RALGPS1: variants seen among roughly 807,000 people sequenced by gnomAD.
RALGPS1 encodes ras-specific guanine nucleotide-releasing factor RalGPS1.
Under a neutral mutation model 78.8 loss-of-function variants are expected in RALGPS1, and 19 were observed. That is an observed-to-expected ratio of 0.24 (90% CI 0.17 to 0.35). The LOEUF (loss-of-function observed/expected upper bound fraction) is 0.35, where lower values mean the gene tolerates loss of function less well. Among genes scored for constraint, RALGPS1 ranks in the 10% least tolerant of loss-of-function variants. The pLI is 1.00. For synonymous variants in RALGPS1, 228 were observed against 256.3 expected (o/e 0.89, Z 1.06); for missense variants, 454 against 688.3 (o/e 0.66, Z 3.81).
intron 1 of RALGPS1, among the ~76,000 whole-genome samples, chr9:126,960,769 C>A (rs1028850860): frequency 6.6e-6 from 1 of 151,634 alleles, no homozygotes; most frequent in African/African-American, 2.4e-5. Context: ...CGGCATTTCC[C>A]AAATCAAATT....
chr9:127,034,864 C>T (rs540302589), intron 5 of RALGPS1, among the ~76,000 whole-genome samples: 1 of 152,286 alleles, frequency 6.6e-6, no homozygotes, highest in East Asian at 1.9e-4. Flanking sequence ...CCTTCCTTCT[C>T]TTACTGATAT....
intron 1 of RALGPS1, among the ~76,000 whole-genome samples, chr9:126,946,788 T>G (rs1434805820): frequency 6.6e-6 from 1 of 152,092 alleles, no homozygotes; most frequent in East Asian, 1.9e-4. Context: ...ATGTTCCCTT[T>G]AAGCCCACCC....
intron 7 of RALGPS1, among the ~76,000 whole-genome samples, chr9:127,053,645 C>T (rs957180867): frequency 1.3e-5 from 2 of 152,150 alleles, no homozygotes; most frequent in Non-Finnish European, 2.9e-5. Context: ...TTATATCCCA[C>T]GGAACTGACA....
At chr9:127,079,253 C>T (rs1267927211) in intron 8 of RALGPS1, among the ~76,000 whole-genome samples, 2 of 152,190 alleles carry the variant, frequency 1.3e-5, no homozygotes, top group African/African-American at 2.4e-5. Context: ...TGGTCTTCTA[C>T]TGACGCATTC....
At chr9:126,960,206 T>TCCCC (rs2038759376) in intron 1 of RALGPS1, among the ~76,000 whole-genome samples, 1 of 52,754 alleles carries the variant, frequency 1.9e-5, no homozygotes, top group Non-Finnish European at 3.7e-5. Context: ...CTTCCCTCCC[T>TCCCC]CCCTCCCTCC....
At chr9:127,075,310 G>C (rs780594999) in intron 8 of RALGPS1, among the ~76,000 whole-genome samples, 24 of 152,240 alleles carry the variant, frequency 1.6e-4, no homozygotes, top group Non-Finnish European at 3.1e-4. Flanking sequence ...ATACAAGTCA[G>C]AGGGAGAGAA....
intron 8 of RALGPS1, among the ~76,000 whole-genome samples, chr9:127,148,113 A>G (rs946132962): frequency 1.3e-5 from 2 of 152,238 alleles, no homozygotes; most frequent in Admixed American, 6.5e-5. Flanking sequence ...TTGAGCACAC[A>G]TGTCTTAGAA....
At chr9:127,157,296 C>A (rs2058753897) in intron 8 of RALGPS1, among the ~76,000 whole-genome samples, 2 of 152,174 alleles carry the variant, frequency 1.3e-5, no homozygotes, top group South Asian at 2.1e-4. Context: ...TATTTCCTTA[C>A]TTATTTACAT....
intron 8 of RALGPS1, among the ~76,000 whole-genome samples, chr9:127,106,357 G>T (rs1399741346): frequency 6.6e-6 from 1 of 152,078 alleles, no homozygotes; most frequent in South Asian, 2.1e-4. Context: ...CAGATGGAAC[G>T]CCAGAGCTAA....
Position 126,962,239 on chromosome 9 carries a change from G to A in RALGPS1, c.-51G>A. 2 of 1,597,322 alleles carry A rather than the reference G, an allele frequency of 1.3e-6. No individual in the cohort carries two copies. Among genetic ancestry groups the A allele is most frequent in the Non-Finnish European group, 1.7e-6 (2 of 1,165,380 alleles). On this transcript the variant is annotated 5_prime_UTR_variant, in exon 2 of 19. Coordinates refer to ENST00000259351, the MANE Select transcript of RALGPS1 (RefSeq NM_014636.3). ...TTGCCTTGCAGGACTTCTCCAGACAGGTTATGTTACCTGCAGAGGCTGCCC... is the reference window on the plus strand; with the variant it reads ...TTGCCTTGCAGGACTTCTCCAGACAAGTTATGTTACCTGCAGAGGCTGCCC...
chr9:127,200,231 C>T (rs925037926), intron 14 of RALGPS1, among the ~76,000 whole-genome samples: 3 of 152,230 alleles, frequency 2.0e-5, no homozygotes, highest in African/African-American at 4.8e-5. Context: ...GCCAGAGAGA[C>T]GATAAGTGCT....
chr9:126,937,483 TAATG>T (rs2036373551), intron 1 of RALGPS1, among the ~76,000 whole-genome samples: 1 of 152,222 alleles, frequency 6.6e-6, no homozygotes, highest in Non-Finnish European at 1.5e-5. Flanking sequence ...TTGCCTATAA[TAATG>T]CCTGAATGAC....
chr9:127,013,092 C>T (rs1164849055), intron 4 of RALGPS1, among the ~76,000 whole-genome samples: 2 of 152,148 alleles, frequency 1.3e-5, no homozygotes, highest in Non-Finnish European at 1.5e-5. Context: ...AATTTGGACA[C>T]AAGATAGCGA....
intron 8 of RALGPS1, among the ~76,000 whole-genome samples, chr9:127,154,408 C>T (rs1588205430): frequency 1.3e-5 from 2 of 152,216 alleles, no homozygotes; most frequent in South Asian, 2.1e-4. Context: ...CTCTCATCTC[C>T]GTTGAGAAAG....
At chr9:126,915,063 C>T (rs1162025533) in intron 1 of RALGPS1, 88 bp downstream of exon 1, 4 of 141,864 alleles carry the variant, frequency 2.8e-5, no homozygotes, top group Non-Finnish European at 4.7e-5. Context: ...GCCCTGAGGC[C>T]GGGCCTGAGG....
At chr9:126,936,494 G>T (rs1307066280) in intron 1 of RALGPS1, among the ~76,000 whole-genome samples, 1 of 152,078 alleles carries the variant, frequency 6.6e-6, no homozygotes, top group Non-Finnish European at 1.5e-5. Flanking sequence ...TAATGAAAAT[G>T]TGAGGTACTT....
At chr9:127,058,193 G>A (rs758861609) in intron 7 of RALGPS1, among the ~76,000 whole-genome samples, 17 of 152,208 alleles carry the variant, frequency 1.1e-4, no homozygotes, top group Non-Finnish European at 1.9e-4. Context: ...AGAGCTCAGC[G>A]TGCCAGGAGG....
intron 8 of RALGPS1, among the ~76,000 whole-genome samples, chr9:127,105,405 AG>A (rs1408374960): frequency 6.6e-6 from 1 of 152,224 alleles, no homozygotes; most frequent in African/African-American, 2.4e-5. Flanking sequence ...TTGAGGTGCC[AG>A]GAATAGAACT....
In RALGPS1 at chr9:127,158,673, G is replaced by A. The variant is rs566280582; in HGVS notation, c.611-7396G>A. ...CTTTTATATTTTAAATTGTTTTCTC[G>A]TTTCTTTTTTTTCTAGTTCTATATA... On this transcript the variant is annotated intron_variant, in intron 8 of 18. Coordinates refer to ENST00000259351, the MANE Select transcript of RALGPS1 (RefSeq NM_014636.3). Among the ~76,000 whole-genome samples, 12 of 144,192 alleles carry A rather than the reference G, an allele frequency of 8.3e-5. No individual in the cohort carries two copies. In the East Asian group the frequency reaches 2.1e-3, roughly 25 times the overall value. The allele number at this position is 144,192 out of a possible 152,430, so 94.6% of individuals were successfully genotyped here. A position where few individuals can be genotyped will look rare whatever the true frequency, so the allele number is the denominator to read the frequency against.
Sources: allele counts gnomAD v4.1 joint callset (sites outside exome capture counted in the v4.1 genomes callset), GRCh38; gene constraint gnomAD v4.1.1; transcripts MANE v1.5; gene names NCBI Gene and HGNC (gene_info 2026-07-23, HGNC 2026-07-21).